Variants in SUGT1 observed in about 807,000 individuals in gnomAD.
SUGT1 encodes the protein protein SGT1 homolog.
SUGT1 carries 15 observed loss-of-function variants against 56.1 expected under a neutral mutation model. The ratio of observed to expected loss-of-function variants is 0.27; its 90% CI spans 0.18 to 0.41. The LOEUF is 0.41. SUGT1 is among the 10% of genes least tolerant of loss of function. The pLI is 1.00. For missense variants in SUGT1, 347 were observed against 382.2 expected, an observed-to-expected ratio of 0.91 and a Z score of 0.77; for synonymous variants, 123 against 128.6, an observed-to-expected ratio of 0.96 and a Z score of 0.30.
chr13:52,673,956 T>G (rs1457152370), intron 10 of SUGT1, among the ~76,000 whole-genome samples: 1 of 152,090 alleles, frequency 6.6e-6, no homozygotes, highest in African/African-American at 2.4e-5. Context: ...TATAAAAAAT[T>G]AATTGTAGTT....
intron 10 of SUGT1, among the ~76,000 whole-genome samples, chr13:52,675,707 TAA>T (rs1963111696): frequency 6.6e-6 from 1 of 152,230 alleles, no homozygotes; most frequent in African/African-American, 2.4e-5. Context: ...TACAGTGAAA[TAA>T]GTTTCTCCAC....
intron 10 of SUGT1, among the ~76,000 whole-genome samples, chr13:52,670,015 C>T (rs775660400): frequency 2.6e-5 from 4 of 152,108 alleles, no homozygotes; most frequent in African/African-American, 4.8e-5. Flanking sequence ...TGAGAAAGGA[C>T]GCATTTTGCA....
chr13:52,680,240 G>A, intron 12 of SUGT1, 85 bp downstream of exon 12: 1 of 1,305,142 alleles, frequency 7.7e-7, no homozygotes, highest in Non-Finnish European at 1.0e-6. Context: ...AGACCAAATT[G>A]CGTGTACTAT....
In SUGT1 at chr13:52,698,528, C is replaced by G. The variant is rs577217556; in HGVS notation, c.*10693C>G. ...CAATAGCTCACTGTAACCTCCAACT[C>G]CTGGAGTCAAGTGATCCTCCTGCCT... On this transcript the variant is annotated 3_prime_UTR_variant, in exon 13 of 13. Coordinates refer to ENST00000310528, the MANE Select transcript of SUGT1 (RefSeq NM_006704.5). 1 of 145,860 alleles carries G rather than the reference C, an allele frequency of 6.9e-6. No homozygotes were observed. The highest frequency in any genetic ancestry group is 2.1e-4 in the East Asian group (1 of 4,778). 9.0% of individuals were successfully genotyped at this position (145,860 alleles called of 1,614,324 possible).
intron 11 of SUGT1, among the ~76,000 whole-genome samples, chr13:52,678,334 A>T (rs1472095335): frequency 6.6e-6 from 1 of 152,188 alleles, no homozygotes; most frequent in East Asian, 1.9e-4. Flanking sequence ...TTGAGGAGGA[A>T]TGGGCAGGGA....
chr13:52,654,084 G>A (rs1218039817), intron 2 of SUGT1, among the ~76,000 whole-genome samples: 1 of 152,202 alleles, frequency 6.6e-6, no homozygotes. Context: ...TGTATGTGAA[G>A]CAACAAAAAG....
At chr13:52,672,042 G>A (rs1962967940) in intron 10 of SUGT1, among the ~76,000 whole-genome samples, 1 of 152,148 alleles carries the variant, frequency 6.6e-6, no homozygotes. Context: ...TGCAGGATAT[G>A]TAATAAGAGC....
chr13:52,679,847 C>A (rs1458142084), intron 11 of SUGT1, 127 bp from the exon 12 acceptor site: 8 of 846,444 alleles, frequency 9.5e-6, no homozygotes, highest in Non-Finnish European at 1.2e-5. Flanking sequence ...ACACTTATTG[C>A]ATACCTGAAA....
At position 52,680,062 on chromosome 13, in the gene SUGT1, A is replaced by G. The variant is rs1647077938; in HGVS notation, c.807A>G (p.Glu269=). ...AGATCAAAGAAGAAGAAAAGAATGA[A>G]AAGTTGGAGGGAGATGCAGCTTTAA... ...VGEIKEEEKN[E]KLEGDAALNR... Residue 269 remains glutamate, a synonymous_variant, in exon 12 of 13, where the codon GAA becomes GAG. Coordinates refer to ENST00000310528, the MANE Select transcript of SUGT1 (RefSeq NM_006704.5). The G allele has an allele frequency of 6.3e-7, 1 of 1,598,752 alleles. No individual in the cohort carries two copies. The highest frequency in any genetic ancestry group is 8.5e-7 in the Non-Finnish European group (1 of 1,176,204).
intron 12 of SUGT1, among the ~76,000 whole-genome samples, chr13:52,686,595 A>T (rs1594260361): frequency 6.6e-6 from 1 of 152,176 alleles, no homozygotes; most frequent in East Asian, 1.9e-4. Flanking sequence ...AAGCCCATGT[A>T]AGGGAGCTCG....
intron 12 of SUGT1, among the ~76,000 whole-genome samples, chr13:52,684,299 G>A (rs1963487905): frequency 6.6e-6 from 1 of 152,004 alleles, no homozygotes; most frequent in South Asian, 2.1e-4. Context: ...TGTCAGCCTT[G>A]CTAGAGGTTT....
In SUGT1 at chr13:52,652,909, C is replaced by G; in HGVS notation, c.-12C>G. On this transcript the variant is annotated 5_prime_UTR_variant, in exon 1 of 13. Coordinates refer to ENST00000310528, the MANE Select transcript of SUGT1 (RefSeq NM_006704.5). ...GTAGCAGCTCCGGCGGCAGCAACAG[C>G]GACTACGAGGGATGGCGGCGGCTGC... 1 of 1,613,358 alleles carries G rather than the reference C, an allele frequency of 6.2e-7. No homozygotes were observed. The highest frequency in any genetic ancestry group is 1.7e-4 in the Middle Eastern group (1 of 6,060).
chr13:52,681,624 A>G (rs567033513), intron 12 of SUGT1, among the ~76,000 whole-genome samples: 1 of 152,126 alleles, frequency 6.6e-6, no homozygotes, highest in African/African-American at 2.4e-5. Context: ...GTCTGAGGCC[A>G]CAGGATCCCT....
At chr13:52,670,241 A>G (rs1252269103) in intron 10 of SUGT1, among the ~76,000 whole-genome samples, 5 of 152,198 alleles carry the variant, frequency 3.3e-5, no homozygotes, top group African/African-American at 9.7e-5. Flanking sequence ...ATGAAGTAGC[A>G]TTTCTTAACT....
rs1490494021 is a variant in SUGT1 at position 52,657,666 on chromosome 13, C to G, written c.187+44C>G. 6.5e-7 allele frequency: 1 copy of G among 1,539,256 alleles called. No homozygotes were observed. Among genetic ancestry groups the G allele is most frequent in the Admixed American group, 1.8e-5 (1 of 54,402 alleles). Reference sequence around the variant, plus strand: ...TATATTGCCCCCTTTTAATAAGTTACTTATACATTTTACCCATGACAAATT... The same window carrying G: ...TATATTGCCCCCTTTTAATAAGTTAGTTATACATTTTACCCATGACAAATT... On this transcript the variant is annotated intron_variant, in intron 3 of 12. Transcript: ENST00000310528.
intron 4 of SUGT1, 32 bp downstream of exon 4, chr13:52,658,500 G>A (rs1450374067): frequency 1.3e-6 from 2 of 1,582,726 alleles, no homozygotes; most frequent in African/African-American, 1.4e-5. Context: ...TGTTGAGCTT[G>A]GTATAGATAG....
At position 52,696,810 on chromosome 13, in the gene SUGT1, T is replaced by C. The variant is rs1963946883; in HGVS notation, c.*8975T>C. The C allele has an allele frequency of 1.3e-5, 2 of 151,836 alleles. No homozygotes were observed. The highest frequency in any genetic ancestry group is 1.3e-4 in the Admixed American group (2 of 15,254). 9.4% of individuals were successfully genotyped at this position (151,836 alleles called of 1,614,324 possible). ...CACCGTTTCTGACAGGATTTTAATT[T>C]TTAAGTAGGTTTTTAACCCACAGCC... On this transcript the variant is annotated 3_prime_UTR_variant, in exon 13 of 13. Transcript: ENST00000310528.
intron 12 of SUGT1, among the ~76,000 whole-genome samples, chr13:52,681,279 C>T (rs1963362641): frequency 6.6e-6 from 1 of 150,646 alleles, no homozygotes. Context: ...TTAGCTAGGC[C>T]TGGTGGCATG....
intron 4 of SUGT1, 57 bp from the exon 5 acceptor site, chr13:52,659,119 AAAG>A: frequency 7.4e-7 from 1 of 1,352,316 alleles, no homozygotes; most frequent in Non-Finnish European, 1.0e-6. Context: ...TTTTATTTAG[AAAG>A]AAGGTATTTT....
Sources: allele counts gnomAD v4.1 joint callset (sites outside exome capture counted in the v4.1 genomes callset), GRCh38; gene constraint gnomAD v4.1.1; transcripts MANE v1.5; gene names NCBI Gene and HGNC (gene_info 2026-07-23, HGNC 2026-07-21).